Variants in EHBP1 observed in about 807,000 individuals in gnomAD.
The protein encoded by EHBP1 is EH domain binding protein 1, also known as EH domain-binding protein 1.
EHBP1 carries 55 observed loss-of-function variants against 144.0 expected under a neutral mutation model. That is an observed-to-expected ratio of 0.38 (90% CI 0.31 to 0.48). The LOEUF (loss-of-function observed/expected upper bound fraction) is 0.48, where lower values mean the gene tolerates loss of function less well. Ranked by LOEUF, EHBP1 falls within the 20% of genes least tolerant of loss-of-function variation. The pLI is 0.98. For synonymous variants in EHBP1, 469 were observed against 472.7 expected, an observed-to-expected ratio of 0.99 and a Z score of 0.10; for missense variants, 1,200 against 1,364.2, an observed-to-expected ratio of 0.88 and a Z score of 1.90.
intron 10 of EHBP1, among the ~76,000 whole-genome samples, chr2:62,906,185 T>A (rs1244715673): frequency 6.6e-6 from 1 of 151,888 alleles, no homozygotes; most frequent in African/African-American, 2.4e-5. Flanking sequence ...TTATACCCAG[T>A]CATTCCAGCA....
chr2:63,021,435 G>C (rs1273037980), intron 19 of EHBP1, among the ~76,000 whole-genome samples: 8 of 152,188 alleles, frequency 5.3e-5, no homozygotes, highest in Non-Finnish European at 1.5e-5. Context: ...CTTAGGAATT[G>C]TGCTAGTCCC....
At chr2:62,833,339 A>G (rs2046963207) in intron 7 of EHBP1, among the ~76,000 whole-genome samples, 1 of 152,200 alleles carries the variant, frequency 6.6e-6, no homozygotes, top group East Asian at 1.9e-4. Flanking sequence ...TATCCAGAAG[A>G]TCTCACCAAG....
intron 5 of EHBP1, among the ~76,000 whole-genome samples, chr2:62,816,898 T>C (rs1251290220): frequency 6.6e-6 from 1 of 152,186 alleles, no homozygotes; most frequent in Non-Finnish European, 1.5e-5. Flanking sequence ...CAGGGTCCCT[T>C]CTACCTGTTT....
intron 19 of EHBP1, among the ~76,000 whole-genome samples, chr2:63,026,057 G>A (rs1418850500): frequency 6.6e-6 from 1 of 152,152 alleles, no homozygotes; most frequent in Non-Finnish European, 1.5e-5. Context: ...GTTGATTGGT[G>A]CAGTAAAATG....
At chr2:63,014,865 C>A (rs1336906430) in intron 19 of EHBP1, among the ~76,000 whole-genome samples, 1 of 152,156 alleles carries the variant, frequency 6.6e-6, no homozygotes, top group Non-Finnish European at 1.5e-5. Flanking sequence ...GTAATCCCAG[C>A]TACTCGGGAG....
chr2:62,693,447 G>A (rs1275868198), intron 1 of EHBP1, among the ~76,000 whole-genome samples: 2 of 151,988 alleles, frequency 1.3e-5, no homozygotes, highest in East Asian at 3.8e-4. Context: ...CAGATATATG[G>A]TTTGCATATA....
chr2:62,696,194 A>G (rs1300901214), intron 1 of EHBP1, among the ~76,000 whole-genome samples: 2 of 140,590 alleles, frequency 1.4e-5, no homozygotes, highest in African/African-American at 2.6e-5. Context: ...TTTTTGAGAC[A>G]GAGTCTCACT....
intron 7 of EHBP1, among the ~76,000 whole-genome samples, chr2:62,835,650 C>T (rs1008008731): frequency 3.3e-5 from 5 of 152,092 alleles, no homozygotes; most frequent in Admixed American, 1.3e-4. Flanking sequence ...GTGCGCGAGC[C>T]GAAGCAGGGC....
At position 62,948,443 on chromosome 2, in the gene EHBP1, G is replaced by C. The variant is rs183397913; in HGVS notation, c.1597G>C (p.Val533Leu). Residue 533 changes from valine (V) to leucine (L), a missense_variant, in exon 13 of 23, where the codon GTT becomes CTT. Val to Leu is a conservative substitution (Grantham distance 32). This residue lies in a region of EHBP1 where 94 missense variants were observed against 143.0 expected (regional missense o/e 0.66). Transcript: ENST00000431489. ...EENSSKSTYKVGNYETDTNSS... is the reference protein window; with the variant it reads ...EENSSKSTYKLGNYETDTNSS... ...AAACAGCAGTAAAAGCACATATAAA[G>C]TTGGAAACTATGAAACAGATACAAA... 7.6e-5 allele frequency: 123 copies of C among 1,613,528 alleles called. No individual in the cohort carries two copies. The highest frequency in any genetic ancestry group is 9.7e-5 in the Non-Finnish European group (114 of 1,179,716).
intron 10 of EHBP1, among the ~76,000 whole-genome samples, chr2:62,925,072 T>C (rs1171114631): frequency 6.6e-6 from 1 of 152,180 alleles, no homozygotes; most frequent in Admixed American, 6.5e-5. Flanking sequence ...AGTCAATAAA[T>C]GTCATACATC....
At chr2:62,756,423 T>A (rs1403214795) in intron 3 of EHBP1, among the ~76,000 whole-genome samples, 2 of 152,226 alleles carry the variant, frequency 1.3e-5, no homozygotes, top group Non-Finnish European at 1.5e-5. Context: ...GAAACACAGA[T>A]GTACTTCTTG....
rs2061479232 is a variant in EHBP1 at position 63,037,279 on chromosome 2, C to T, written c.3104-256C>T. On this transcript the variant is annotated intron_variant, in intron 19 of 22. Coordinates refer to ENST00000431489, the MANE Select transcript of EHBP1 (RefSeq NM_001142616.3). ...TCTAGGGAGAATTTAAAAGGTAGGACATTTTGTTTACTGTACTTAGTGTTA... is the reference window on the plus strand; with the variant it reads ...TCTAGGGAGAATTTAAAAGGTAGGATATTTTGTTTACTGTACTTAGTGTTA... Among the ~76,000 whole-genome samples the T allele has an allele frequency of 1.3e-5, 2 of 151,824 alleles. 1 individual carries two copies. Among genetic ancestry groups the T allele is most frequent in the South Asian group, 4.1e-4 (2 of 4,834 alleles).
chr2:62,933,981 C>T (rs1335548711), intron 10 of EHBP1, among the ~76,000 whole-genome samples: 3 of 151,982 alleles, frequency 2.0e-5, no homozygotes, highest in South Asian at 2.1e-4. Flanking sequence ...TTATTGTTGC[C>T]GAACATTTAC....
intron 7 of EHBP1, among the ~76,000 whole-genome samples, chr2:62,840,730 C>T (rs2047758499): frequency 6.6e-6 from 1 of 151,218 alleles, no homozygotes; most frequent in East Asian, 1.9e-4. Flanking sequence ...CCAAAAAACA[C>T]ATGAAAAAAT....
chr2:62,705,079 ACT>A (rs2151773351), upstream of EHBP1, among the ~76,000 whole-genome samples: 1 of 151,778 alleles, frequency 6.6e-6, no homozygotes, highest in African/African-American at 2.4e-5. Context: ...AGACCAGTTG[ACT>A]CTATGTTGGG....
intron 19 of EHBP1, among the ~76,000 whole-genome samples, chr2:63,027,304 G>T (rs1034465583): frequency 6.6e-6 from 1 of 152,152 alleles, no homozygotes; most frequent in African/African-American, 2.4e-5. Flanking sequence ...AGACATTGTT[G>T]TTCTCAACTT....
intron 5 of EHBP1, among the ~76,000 whole-genome samples, chr2:62,823,857 G>T (rs1156644792): frequency 6.6e-6 from 1 of 151,974 alleles, no homozygotes; most frequent in Non-Finnish European, 1.5e-5. Context: ...GAGGTCCTGT[G>T]TTAATTAGTA....
intron 1 of EHBP1, among the ~76,000 whole-genome samples, chr2:62,700,437 A>G (rs2034245640): frequency 6.6e-6 from 1 of 151,974 alleles, no homozygotes; most frequent in South Asian, 2.1e-4. Flanking sequence ...ATGTTGGGGG[A>G]AGGGGATGGG....
intron 5 of EHBP1, among the ~76,000 whole-genome samples, chr2:62,813,477 C>G (rs958874170): frequency 2.0e-5 from 3 of 152,306 alleles, no homozygotes; most frequent in South Asian, 4.1e-4. Context: ...AGCAGAGAGT[C>G]CTCACCAAGG....
Sources: allele counts gnomAD v4.1 joint callset (sites outside exome capture counted in the v4.1 genomes callset), GRCh38; gene constraint gnomAD v4.1.1; regional missense constraint gnomAD v4.1.1; transcripts MANE v1.5; gene names NCBI Gene and HGNC (gene_info 2026-07-23, HGNC 2026-07-21).